The following MALRD1 variants were observed in gnomAD, a reference collection of about 807,000 sequenced individuals.
MALRD1 encodes the protein MAM and LDL receptor class A domain containing 1.
MALRD1 carries 247 observed loss-of-function variants against 242.1 expected under a neutral mutation model. That is an observed-to-expected ratio of 1.02 (90% CI 0.92 to 1.13). The LOEUF is 1.13. MALRD1 is among the 50% of genes most tolerant of loss of function. MALRD1 has a pLI of 0.00. For synonymous variants in MALRD1, 995 were observed against 866.6 expected (o/e 1.15, Z -2.60); for missense variants, 2,989 against 2,533.1 (o/e 1.18, Z -3.86).
At chr10:19,432,532 T>C (rs1472788876) in intron 28 of MALRD1, among the ~76,000 whole-genome samples, 4 of 152,184 alleles carry the variant, frequency 2.6e-5, no homozygotes, top group African/African-American at 4.8e-5. Context: ...AACACTTATT[T>C]AGTGCCTTCA....
intron 36 of MALRD1, among the ~76,000 whole-genome samples, chr10:19,658,665 A>G (rs1341095943): frequency 6.6e-6 from 1 of 152,172 alleles, no homozygotes; most frequent in African/African-American, 2.4e-5. Flanking sequence ...TGTGTAAATC[A>G]AAACAGAGGC....
At chr10:19,162,295 C>CTT (rs1475776253) in intron 12 of MALRD1, among the ~76,000 whole-genome samples, 1 of 152,020 alleles carries the variant, frequency 6.6e-6, no homozygotes, top group Non-Finnish European at 1.5e-5. Context: ...TCTTTCCTCT[C>CTT]TCTCTCTCTC....
chr10:19,155,076 A>T lies in MALRD1; in HGVS notation c.1560A>T (p.Gly520=), dbSNP rs1360217889. Residue 520 remains glycine, a splice_region_variant and synonymous_variant, in exon 12 of 40, where the codon GGA becomes GGT. Transcript: ENST00000454679. ...AADHTANINH[G]SFIYLEAQRS... ...ATGACTTTCCCTTTGTTTTTTCAGG[A>T]TCGTTTATTTATTTGGAGGCACAGC... is the stretch of plus-strand genomic sequence containing the variant. 8.1e-7 allele frequency: 1 copy of T among 1,231,162 alleles called. No individual in the cohort carries two copies. The highest frequency in any genetic ancestry group is 4.1e-5 in the South Asian group (1 of 24,300). 76.3% of individuals were successfully genotyped at this position (1,231,162 alleles called of 1,614,324 possible).
chr10:19,591,496 A>G (rs796219320), intron 33 of MALRD1, among the ~76,000 whole-genome samples: 1,903 of 106,274 alleles, frequency 0.018, 20 homozygotes, highest in East Asian at 0.048. Flanking sequence ...CTTTTATTTT[A>G]GTTTTTTTTT....
chr10:19,360,270 G>T lies in MALRD1; in HGVS notation c.4441+7973G>T, dbSNP rs990375141. Reference sequence around the variant, plus strand: ...TTGTGAAACTTCATATCTCTGAATGGCCAGGGATGAACTGGGCCTTTTAAT... The same window carrying T: ...TTGTGAAACTTCATATCTCTGAATGTCCAGGGATGAACTGGGCCTTTTAAT... On this transcript the variant is annotated intron_variant, in intron 26 of 39. Coordinates refer to ENST00000454679, the MANE Select transcript of MALRD1 (RefSeq NM_001142308.3). Among the ~76,000 whole-genome samples the T allele has an allele frequency of 2.0e-5, 3 of 152,036 alleles. No individual in the cohort carries two copies. The East Asian group carries it at 5.8e-4, about 29-fold the overall frequency.
At chr10:19,602,158 T>C (rs1254539126) in intron 34 of MALRD1, among the ~76,000 whole-genome samples, 1 of 147,438 alleles carries the variant, frequency 6.8e-6, no homozygotes, top group Non-Finnish European at 1.5e-5. Context: ...AATTTTCTTT[T>C]TTTTTTTTTT....
intron 18 of MALRD1, among the ~76,000 whole-genome samples, chr10:19,213,186 A>G (rs1341887433): frequency 3.3e-5 from 5 of 152,088 alleles, no homozygotes; most frequent in African/African-American, 7.2e-5. Context: ...ATGTTTTCAC[A>G]TCTTCCCTCT....
intron 28 of MALRD1, among the ~76,000 whole-genome samples, chr10:19,420,459 C>T (rs1351729824): frequency 6.6e-5 from 10 of 151,566 alleles, no homozygotes; most frequent in Middle Eastern, 3.4e-3. Context: ...TAAGGAAAAA[C>T]AATCATGTAT....
intron 38 of MALRD1, 33 bp from the exon 39 acceptor site, chr10:19,730,673 T>C (rs1321806945): frequency 6.5e-7 from 1 of 1,530,884 alleles, no homozygotes; most frequent in Non-Finnish European, 8.8e-7. Flanking sequence ...ATGTCAATAG[T>C]TTTTTATTTT....
intron 29 of MALRD1, among the ~76,000 whole-genome samples, chr10:19,478,730 C>A (rs2131168450): frequency 6.6e-6 from 1 of 152,216 alleles, no homozygotes; most frequent in East Asian, 1.9e-4. Flanking sequence ...TACCATGGGC[C>A]TCCTTGTCTA....
chr10:19,134,043 A>G, intron 9 of MALRD1, 95 bp downstream of exon 9: 1 of 494,396 alleles, frequency 2.0e-6, no homozygotes, highest in Admixed American at 4.5e-5. Context: ...TTAAATTAGC[A>G]GTTAAGTTAG....
chr10:19,659,327 G>C (rs11815338), intron 36 of MALRD1, among the ~76,000 whole-genome samples: 6 of 151,984 alleles, frequency 3.9e-5, no homozygotes, highest in Admixed American at 1.3e-4. Flanking sequence ...CAATAGTCCT[G>C]GGAGATGGGT....
intron 1 of MALRD1, among the ~76,000 whole-genome samples, chr10:19,064,044 G>A (rs1834899940): frequency 6.6e-6 from 1 of 152,008 alleles, no homozygotes; most frequent in Non-Finnish European, 1.5e-5. Flanking sequence ...GTTCTATAAT[G>A]AGAGAATCTG....
intron 4 of MALRD1, among the ~76,000 whole-genome samples, chr10:19,103,333 G>A (rs779913475): frequency 1.3e-5 from 2 of 151,870 alleles, no homozygotes; most frequent in Non-Finnish European, 2.9e-5. Flanking sequence ...AGGCCGAGGC[G>A]GGCAAATCAC....
rs186797690 is a variant in MALRD1 at position 19,485,470 on chromosome 10, C to T, written c.5030-6047C>T. Among the ~76,000 whole-genome samples the T allele has an allele frequency of 2.6e-3, 401 of 152,014 alleles. 1 individual carries two copies. The highest frequency in any genetic ancestry group is 9.2e-3 in the African/African-American group (383 of 41,496). On this transcript the variant is annotated intron_variant, in intron 29 of 39. Coordinates refer to ENST00000454679, the MANE Select transcript of MALRD1 (RefSeq NM_001142308.3). ...CATTCTGGCTAATAGGGTGAAACCC[C>T]GTCTCTACTAAAAATACAAAAAATT...
At chr10:19,115,685 G>C (rs112300900) in intron 5 of MALRD1, among the ~76,000 whole-genome samples, 9,499 of 151,928 alleles carry the variant, frequency 0.063, 305 homozygotes, top group South Asian at 0.12. Context: ...AGACCAACCT[G>C]GGCAACATGG....
chr10:19,154,974 A>T, intron 11 of MALRD1, 101 bp from the exon 12 acceptor site: 1 of 557,914 alleles, frequency 1.8e-6, no homozygotes, highest in Non-Finnish European at 2.7e-6. Flanking sequence ...ACTTTTCTTT[A>T]ATTGATAGTT....
chr10:19,155,609 A>C (rs1272786802), intron 12 of MALRD1, among the ~76,000 whole-genome samples: 4 of 152,176 alleles, frequency 2.6e-5, no homozygotes, highest in African/African-American at 9.7e-5. Flanking sequence ...GGAGTGAAAT[A>C]CCCATTTTAT....
intron 28 of MALRD1, among the ~76,000 whole-genome samples, chr10:19,433,068 G>C (rs554138057): frequency 6.6e-6 from 1 of 152,290 alleles, no homozygotes; most frequent in South Asian, 2.1e-4. Context: ...GCAGGGCACT[G>C]TGTTAGGTAC....
Sources: allele counts gnomAD v4.1 joint callset (sites outside exome capture counted in the v4.1 genomes callset), GRCh38; gene constraint gnomAD v4.1.1; transcripts MANE v1.5; gene names NCBI Gene and HGNC (gene_info 2026-07-23, HGNC 2026-07-21).